The following MYO19 variants were observed in gnomAD, a reference collection of about 807,000 sequenced individuals.
MYO19 encodes the protein unconventional myosin-XIX.
A neutral mutation model predicts 129.2 loss-of-function variants in MYO19; 132 were observed. The ratio of observed to expected loss-of-function variants is 1.02; its 90% CI spans 0.89 to 1.18. The LOEUF (loss-of-function observed/expected upper bound fraction) is 1.18, where lower values mean the gene tolerates loss of function less well. Among genes scored for constraint, MYO19 ranks in the 50% most tolerant of loss-of-function variants. The pLI, the probability that MYO19 is intolerant of heterozygous loss-of-function variation, is 0.00. For synonymous variants in MYO19, 531 were observed against 477.2 expected (o/e 1.11, Z -1.47); for missense variants, 1,210 against 1,216.7 (o/e 0.99, Z 0.08).
chr17:36,536,028 A>G (rs2074110238), upstream of MYO19, among the ~76,000 whole-genome samples: 1 of 152,162 alleles, frequency 6.6e-6, no homozygotes, highest in Non-Finnish European at 1.5e-5. Context: ...AGCTCATGGT[A>G]CATTTAGAAA....
At chr17:36,526,662 G>A (rs1175553392) in intron 5 of MYO19, among the ~76,000 whole-genome samples, 1 of 152,028 alleles carries the variant, frequency 6.6e-6, no homozygotes, top group Non-Finnish European at 1.5e-5. Flanking sequence ...TACGGCAGGT[G>A]GATCACTTGA....
intron 3 of MYO19, among the ~76,000 whole-genome samples, chr17:36,528,607 G>T (rs886879607): frequency 6.6e-6 from 1 of 152,084 alleles, no homozygotes; most frequent in Non-Finnish European, 1.5e-5. Flanking sequence ...AGTAGAAGGA[G>T]ACTCTGGTAT....
intron 18 of MYO19, among the ~76,000 whole-genome samples, chr17:36,506,231 GC>G (rs1297322119): frequency 6.6e-6 from 1 of 152,034 alleles, no homozygotes; most frequent in Non-Finnish European, 1.5e-5. Flanking sequence ...GCTGCATAGT[GC>G]CCCCATAGGC....
intron 11 of MYO19, chr17:36,512,743 G>C: frequency 7.8e-7 from 1 of 1,289,004 alleles, no homozygotes; most frequent in African/African-American, 1.5e-5. Flanking sequence ...TCCCTTTCTC[G>C]ACTGCCAGGC....
intron 6 of MYO19, among the ~76,000 whole-genome samples, chr17:36,516,916 G>T (rs1026689334): frequency 1.1e-4 from 17 of 152,080 alleles, no homozygotes; most frequent in African/African-American, 3.9e-4. Context: ...AAGACTTTAT[G>T]TAGAACTGGT....
intron 14 of MYO19, chr17:36,508,508 A>G: frequency 6.3e-6 from 1 of 159,264 alleles, no homozygotes; most frequent in Non-Finnish European, 1.4e-5. Context: ...TGGTGTGATC[A>G]CAGCTCACAG....
chr17:36,505,347 A>T lies in MYO19; in HGVS notation c.1855T>A (p.Cys619Ser), dbSNP rs775695020. The change falls in exon 19 of 26, where the codon TGC becomes AGC. Residue 619 changes from cysteine to serine, a missense_variant. Physicochemically the swap from Cys to Ser is moderately radical, Grantham distance 112. Transcript: ENST00000614623. Reference sequence around the variant, plus strand: ...TGGCCCTGGCTGTTGGGCTTGATGCAGCGAATGTAGTGGGGCGTGGTGCTG... The same window carrying T: ...TGGCCCTGGCTGTTGGGCTTGATGCTGCGAATGTAGTGGGGCGTGGTGCTG... Reference protein sequence around the residue: ...LHSTTPHYIRCIKPNSQGQAQ... With the variant: ...LHSTTPHYIRSIKPNSQGQAQ... The T allele has an allele frequency of 9.3e-6, 15 of 1,614,080 alleles. No homozygotes were observed.
chr17:36,518,803 T>C lies in MYO19; in HGVS notation c.415-2813A>G, dbSNP rs9905967. ...ATAGTGAGATAGATAGATAGACAGA[T>C]AGATAGATTTTTTTTCTTTATAGTA... On this transcript the variant is annotated intron_variant, in intron 6 of 25. Coordinates refer to ENST00000614623, the MANE Select transcript of MYO19 (RefSeq NM_001163735.2). Among the ~76,000 whole-genome samples the C allele has an allele frequency of 4.6e-5, 7 of 151,400 alleles. No individual in the cohort carries two copies. In the East Asian group the frequency reaches 1.2e-3, roughly 25 times the overall value.
chr17:36,515,948 C>A lies in MYO19; in HGVS notation c.457G>T (p.Ala153Ser). The change falls in exon 7 of 26, where the codon GCC becomes TCC. Residue 153 changes from alanine to serine, a missense_variant. Coordinates refer to ENST00000614623, the MANE Select transcript of MYO19 (RefSeq NM_001163735.2). ...CTCTCCCAAGATGCAGGTGAGGTGG[C>A]CACCACAGCATAGAACTTCATTAGG... ...RCLMKFYAVV[A>S]TSPASWESHK... The A allele has an allele frequency of 6.2e-7, 1 of 1,613,584 alleles. No individual in the cohort carries two copies. The highest frequency in any genetic ancestry group is 8.5e-7 in the Non-Finnish European group (1 of 1,179,748).
intron 2 of MYO19, 197 bp downstream of exon 2, chr17:36,533,756 A>G (rs547966990): frequency 1.3e-5 from 2 of 152,412 alleles, no homozygotes; most frequent in Admixed American, 1.3e-4. Context: ...CCAGAGAACA[A>G]AGCTCTTTCA....
chr17:36,503,758 C>T (rs989087424), intron 20 of MYO19, among the ~76,000 whole-genome samples, 192 bp downstream of exon 20: 2 of 152,244 alleles, frequency 1.3e-5, no homozygotes, highest in African/African-American at 2.4e-5. Context: ...CAGCTGGGTA[C>T]AAAATAGTGC....
In MYO19 at chr17:36,510,801, C is replaced by A. The variant is rs745994020; in HGVS notation, c.1102G>T (p.Ala368Ser). ...CTACGGGTGTCACACTCGGCTCGGG[C>A]GCAGGGCTTCCGGAACACCTGCTGC... is the stretch of plus-strand genomic sequence containing the variant. ...RQQQVFRKPC[A>S]RAECDTRRDC... Residue 368 changes from alanine to serine, a missense_variant, in exon 13 of 26, where the codon GCC (alanine) becomes TCC (serine). Ala to Ser is a moderately conservative substitution (Grantham distance 99). Coordinates refer to ENST00000614623, the MANE Select transcript of MYO19 (RefSeq NM_001163735.2). The A allele has an allele frequency of 5.6e-6, 9 of 1,602,024 alleles. No individual in the cohort carries two copies. The highest frequency in any genetic ancestry group is 1.7e-5 in the Admixed American group (1 of 58,580).
chr17:36,501,283 C>G (rs767560665), intron 21 of MYO19, 48 bp from the exon 22 acceptor site: 1 of 1,555,130 alleles, frequency 6.4e-7, no homozygotes, highest in Non-Finnish European at 8.7e-7. Flanking sequence ...CTCTACATGC[C>G]TCTGTGGCCT....
Position 36,500,898 on chromosome 17 carries a change from C to T in MYO19, c.2309G>A (p.Gly770Asp), listed in dbSNP as rs542838223. 2 of 1,608,960 alleles carry T rather than the reference C, an allele frequency of 1.2e-6. No homozygotes were observed. The highest frequency in any genetic ancestry group is 1.7e-5 in the Admixed American group (1 of 59,834). ...VLEQCARCIQ[G>D]GWRRHRHREQ... ...TCGGTGCCGGTGTCGCCTCCAGCCA[C>T]CCTGGATGCAGCGGGCACACTGCTC... is the stretch of plus-strand genomic sequence containing the variant. The change falls in exon 23 of 26, where the codon GGT becomes GAT. Residue 770 changes from glycine to aspartate, a missense_variant. Transcript: ENST00000614623.
At chr17:36,516,614 C>A (rs548554624) in intron 6 of MYO19, among the ~76,000 whole-genome samples, 80 of 152,248 alleles carry the variant, frequency 5.3e-4, no homozygotes, top group African/African-American at 1.9e-3. Context: ...TCGTAATCTG[C>A]CCACCTTGGC....
At position 36,515,752 on chromosome 17, in the gene MYO19, C is replaced by T. The variant is rs965018772; in HGVS notation, c.547+106G>A. On this transcript the variant is annotated intron_variant, in intron 7 of 25. Transcript: ENST00000614623. ...GGCAGTGAAGGATACACTCATCCTC[C>T]ACCCCCACCCAAGAGAGGGTCTCAA... is the stretch of plus-strand genomic sequence containing the variant. 2.6e-5 allele frequency: 33 copies of T among 1,285,374 alleles called. No individual in the cohort carries two copies. The African/African-American group carries it at 4.6e-4, about 18-fold the overall frequency. 79.6% of individuals were successfully genotyped at this position (1,285,374 alleles called of 1,614,324 possible).
intron 17 of MYO19, 104 bp downstream of exon 17, chr17:36,506,859 G>A (rs145608068): frequency 2.7e-5 from 36 of 1,352,030 alleles, no homozygotes; most frequent in Admixed American, 5.8e-5. Context: ...CTGGGAGGAG[G>A]TTCAGGAGAG....
intron 6 of MYO19, among the ~76,000 whole-genome samples, chr17:36,523,957 A>AT: frequency 6.6e-6 from 1 of 152,300 alleles, no homozygotes; most frequent in Admixed American, 6.5e-5. Context: ...GTATTGCTTG[A>AT]TTTTTTGAAC....
Position 36,515,873 on chromosome 17 carries a change from C to G in MYO19, c.532G>C (p.Val178Leu). ...IEQRILNSNP[V>L]MEAFGNACTL... is the part of the protein sequence containing the mutation. ...CCAAGCTCACCAAAAGCTTCCATGACAGGGTTGGAGTTCAGGATCCTCTGT... is the reference window on the plus strand; with the variant it reads ...CCAAGCTCACCAAAAGCTTCCATGAGAGGGTTGGAGTTCAGGATCCTCTGT... Residue 178 changes from valine (V) to leucine (L), a missense_variant, in exon 7 of 26, where the codon GTC becomes CTC. Coordinates refer to ENST00000614623, the MANE Select transcript of MYO19 (RefSeq NM_001163735.2). 6.2e-7 allele frequency: 1 copy of G among 1,612,492 alleles called. No homozygotes were observed. The highest frequency in any genetic ancestry group is 8.5e-7 in the Non-Finnish European group (1 of 1,178,712).
Sources: allele counts gnomAD v4.1 joint callset (sites outside exome capture counted in the v4.1 genomes callset), GRCh38; gene constraint gnomAD v4.1.1; transcripts MANE v1.5; gene names NCBI Gene and HGNC (gene_info 2026-07-23, HGNC 2026-07-21).